The following NRXN1 variants were observed in gnomAD, a reference collection of about 807,000 sequenced individuals.
NRXN1 encodes the protein neurexin-1.
Under a neutral mutation model 150.9 loss-of-function variants are expected in NRXN1, and 39 were observed. That is an observed-to-expected ratio of 0.26 (90% CI 0.20 to 0.34). The LOEUF is 0.34. Ranked by LOEUF, NRXN1 falls within the 10% of genes least tolerant of loss-of-function variation. The pLI, the probability that NRXN1 is intolerant of heterozygous loss-of-function variation, is 1.00. For missense variants in NRXN1, 1,815 were observed against 1,949.9 expected, an observed-to-expected ratio of 0.93 and a Z score of 1.30; for synonymous variants, 924 against 757.0, an observed-to-expected ratio of 1.22 and a Z score of -3.62.
chr2:50,734,030 G>A (rs1698423912), intron 5 of NRXN1, among the ~76,000 whole-genome samples: 1 of 152,046 alleles, frequency 6.6e-6, no homozygotes, highest in Non-Finnish European at 1.5e-5. Flanking sequence ...TCTAAACCAG[G>A]GGTGATTTTG....
At chr2:50,998,406 C>A (rs1327456118) in intron 2 of NRXN1, among the ~76,000 whole-genome samples, 1 of 152,032 alleles carries the variant, frequency 6.6e-6, no homozygotes, top group Non-Finnish European at 1.5e-5. Context: ...AAGTCTTTCA[C>A]ATTCAAACTG....
At chr2:50,027,725 C>T (rs1179041269) in intron 21 of NRXN1, among the ~76,000 whole-genome samples, 4 of 152,192 alleles carry the variant, frequency 2.6e-5, no homozygotes, top group Non-Finnish European at 4.4e-5. Context: ...GCCATGGCAA[C>T]TGCCTGAGCC....
Position 50,497,666 on chromosome 2 carries a change from G to A in NRXN1, c.2546C>T (p.Thr849Ile), listed in dbSNP as rs751568091. The change falls in exon 14 of 23, where the codon ACT (threonine) becomes ATT (isoleucine). Residue 849 changes from threonine to isoleucine, a missense_variant. Thr to Ile is a moderately conservative substitution (Grantham distance 89, BLOSUM62 -1). Around this residue, in one of 6 missense-constraint regions of NRXN1, gnomAD observed 638 missense variants for 652.6 expected, o/e 0.98. Transcript: ENST00000401669. Reference protein sequence around the residue: ...HTRLEFHNIETGIITERRYLS... With the variant: ...HTRLEFHNIEIGIITERRYLS... ...ATACCGTCGTTCTGTGATGATGCCA[G>A]TCTCTATGTTATGGAACTCCAGCCT... 2.5e-6 allele frequency: 4 copies of A among 1,613,806 alleles called. No individual in the cohort carries two copies. The highest frequency in any genetic ancestry group is 3.3e-5 in the Admixed American group (2 of 60,020).
chr2:50,214,175 C>A (rs74481729), intron 18 of NRXN1, among the ~76,000 whole-genome samples: 18,383 of 151,830 alleles, frequency 0.12, 1,217 homozygotes, highest in African/African-American at 0.17. Context: ...GTAACAATAT[C>A]TTCTTTTATT....
At chr2:50,352,555 C>T (rs2078486216) in intron 17 of NRXN1, among the ~76,000 whole-genome samples, 1 of 151,480 alleles carries the variant, frequency 6.6e-6, no homozygotes, top group South Asian at 2.1e-4. Context: ...TACCAGTATC[C>T]CCATAAAGTA....
intron 18 of NRXN1, among the ~76,000 whole-genome samples, chr2:50,153,118 T>G (rs953627249): frequency 1.3e-5 from 2 of 151,736 alleles, no homozygotes; most frequent in Admixed American, 1.3e-4. Flanking sequence ...CAGTTCTGTA[T>G]TTTATTCCCT....
intron 5 of NRXN1, among the ~76,000 whole-genome samples, chr2:50,870,501 TC>T (rs1677616566): frequency 6.6e-6 from 1 of 151,938 alleles, no homozygotes; most frequent in African/African-American, 2.4e-5. Flanking sequence ...CTCAATGGCT[TC>T]CTATGTAGTC....
intron 5 of NRXN1, among the ~76,000 whole-genome samples, chr2:50,801,925 C>G (rs1373710045): frequency 6.6e-6 from 1 of 152,132 alleles, no homozygotes; most frequent in African/African-American, 2.4e-5. Flanking sequence ...TGTGCATCCT[C>G]AAGTATATGT....
At chr2:50,237,201 C>G (rs1429411946) in intron 17 of NRXN1, among the ~76,000 whole-genome samples, 2 of 151,990 alleles carry the variant, frequency 1.3e-5, no homozygotes, top group African/African-American at 4.8e-5. Flanking sequence ...GTAGGTGTTT[C>G]AGAACAAATA....
rs759836513 is a variant in NRXN1 at position 50,621,234 on chromosome 2, G to C, written c.1150C>G (p.His384Asp). The stretch of plus-strand genomic sequence containing the variant: ...CAATGTAGTTTGTTTACCATAGCGT[G>C]TCCAATGCCTGAGTGCTTTGTGGAG... The part of the protein sequence containing the change: ...RNLRQHSGIG[H>D]AMVTISVDGI... The change falls in exon 7 of 23, where the codon CAC becomes GAC. Residue 384 changes from histidine to aspartate, a missense_variant. Physicochemically the swap from His to Asp is moderately conservative, Grantham distance 81. Coordinates refer to ENST00000401669, the MANE Select transcript of NRXN1 (RefSeq NM_001330078.2). The C allele has an allele frequency of 6.4e-7, 1 of 1,572,456 alleles. No individual in the cohort carries two copies. Among genetic ancestry groups the C allele is most frequent in the South Asian group, 1.2e-5 (1 of 85,476 alleles).
chr2:50,771,721 C>G (rs138306525), intron 5 of NRXN1, among the ~76,000 whole-genome samples: 1 of 152,064 alleles, frequency 6.6e-6, no homozygotes, highest in African/African-American at 2.4e-5. Flanking sequence ...AAGGATGCTA[C>G]GAGTTTCCAG....
intron 22 of NRXN1, among the ~76,000 whole-genome samples, chr2:49,941,625 A>C (rs2104354597): frequency 6.6e-6 from 1 of 152,284 alleles, no homozygotes; most frequent in South Asian, 2.1e-4. Context: ...GCCTATACTT[A>C]GACAGTAAAA....
At chr2:50,753,032 G>A (rs920818761) in intron 5 of NRXN1, among the ~76,000 whole-genome samples, 2 of 151,672 alleles carry the variant, frequency 1.3e-5, no homozygotes, top group Non-Finnish European at 1.5e-5. Context: ...CACTTACATG[G>A]TTTATTACAT....
At chr2:50,053,616 C>T (rs772262191) in intron 20 of NRXN1, 26 bp from the exon 21 acceptor site, 91 of 1,610,014 alleles carry the variant, frequency 5.7e-5, no homozygotes, top group Non-Finnish European at 7.5e-5. Flanking sequence ...TACATACATG[C>T]AAAAATGTTG....
intron 18 of NRXN1, among the ~76,000 whole-genome samples, chr2:50,117,066 G>C (rs1703170153): frequency 6.6e-6 from 1 of 152,140 alleles, no homozygotes; most frequent in Admixed American, 6.5e-5. Flanking sequence ...TGCATGAAAA[G>C]CCTTGGGGAT....
intron 8 of NRXN1, among the ~76,000 whole-genome samples, chr2:50,558,133 T>C (rs112184300): frequency 1.3e-5 from 2 of 152,202 alleles, no homozygotes; most frequent in Non-Finnish European, 2.9e-5. Flanking sequence ...AAGAGTTTTA[T>C]ATATAGTAAT....
intron 21 of NRXN1, among the ~76,000 whole-genome samples, chr2:50,036,961 C>A (rs772632731): frequency 2.0e-5 from 3 of 152,126 alleles, no homozygotes; most frequent in Non-Finnish European, 2.9e-5. Flanking sequence ...AAGCCCAGTC[C>A]AAATGGCAGA....
intron 5 of NRXN1, among the ~76,000 whole-genome samples, chr2:50,658,266 A>G (rs573723867): frequency 1.3e-5 from 2 of 152,022 alleles, no homozygotes; most frequent in South Asian, 4.1e-4. Flanking sequence ...AGCTGAGGTA[A>G]AAGCAGGTGG....
At chr2:50,573,041 C>T (rs72884042) in intron 8 of NRXN1, among the ~76,000 whole-genome samples, 10,930 of 152,018 alleles carry the variant, frequency 0.072, 653 homozygotes, top group African/African-American at 0.16. Flanking sequence ...TGTACTTTTA[C>T]GGTGAGTTAA....
Sources: allele counts gnomAD v4.1 joint callset (sites outside exome capture counted in the v4.1 genomes callset), GRCh38; gene constraint gnomAD v4.1.1; regional missense constraint gnomAD v4.1.1; transcripts MANE v1.5; gene names NCBI Gene and HGNC (gene_info 2026-07-23, HGNC 2026-07-21).